The following ZBTB7C variants were observed in gnomAD, a reference collection of about 807,000 sequenced individuals.
ZBTB7C encodes zinc finger and BTB domain containing 7C, also known as zinc finger and BTB domain-containing protein 7C.
Under a neutral mutation model 25.7 loss-of-function variants are expected in ZBTB7C, and 8 were observed. The observed-to-expected ratio is 0.31, with a 90% CI of 0.18 to 0.56. The LOEUF (loss-of-function observed/expected upper bound fraction) is 0.56. ZBTB7C is among the 20% of genes least tolerant of loss of function. The probability of loss-of-function intolerance (pLI) is 0.91; values close to 1 mark genes in which losing one functional copy is unlikely to be tolerated. For missense variants in ZBTB7C, 824 were observed against 855.2 expected, an observed-to-expected ratio of 0.96 and a Z score of 0.46; for synonymous variants, 394 against 369.0, an observed-to-expected ratio of 1.07 and a Z score of -0.78.
At chr18:48,141,959 A>G (rs1053668830) in intron 3 of ZBTB7C, among the ~76,000 whole-genome samples, 10 of 152,258 alleles carry the variant, frequency 6.6e-5, no homozygotes, top group Admixed American at 5.9e-4. Context: ...AATGTATTAA[A>G]TGCCAATTTG....
Position 48,137,360 on chromosome 18 carries a change from G to C in ZBTB7C, c.-17+48574C>G, listed in dbSNP as rs547487094. The C allele has an allele frequency of 5.8e-5, 57 of 982,022 alleles. No homozygotes were observed. The African/African-American group carries it at 9.4e-4, about 16-fold the overall frequency. 60.8% of individuals were successfully genotyped at this position (982,022 alleles called of 1,614,324 possible). On this transcript the variant is annotated intron_variant, in intron 3 of 4. Coordinates refer to ENST00000590800, the MANE Select transcript of ZBTB7C (RefSeq NM_001318841.2). Reference sequence around the variant, plus strand: ...AAATAAAGGCAAGGGCGGTGGAGGAGCTTTTCTTTTCCCCTCTTTTCTTCC... The same window carrying C: ...AAATAAAGGCAAGGGCGGTGGAGGACCTTTTCTTTTCCCCTCTTTTCTTCC...
At chr18:48,122,049 G>C (rs1205933446) in intron 3 of ZBTB7C, among the ~76,000 whole-genome samples, 1 of 152,194 alleles carries the variant, frequency 6.6e-6, no homozygotes, top group East Asian at 1.9e-4. Flanking sequence ...TGGGGAGGAG[G>C]TGCCAGGCTC....
intron 1 of ZBTB7C, among the ~76,000 whole-genome samples, chr18:48,401,271 C>A (rs995961989): frequency 6.6e-6 from 1 of 152,148 alleles, no homozygotes; most frequent in African/African-American, 2.4e-5. Context: ...TCTCATCTCT[C>A]CCTTCATGTT....
chr18:48,326,014 G>A (rs771912928), intron 2 of ZBTB7C, among the ~76,000 whole-genome samples: 1 of 152,048 alleles, frequency 6.6e-6, no homozygotes, highest in Non-Finnish European at 1.5e-5. Flanking sequence ...CGGTTAAAGT[G>A]CTGGGGGACA....
At chr18:48,356,583 T>G (rs2046982449) in intron 1 of ZBTB7C, among the ~76,000 whole-genome samples, 1 of 152,136 alleles carries the variant, frequency 6.6e-6, no homozygotes, top group Admixed American at 6.5e-5. Flanking sequence ...CTAAAGCCCC[T>G]GGCATCCCAT....
intron 2 of ZBTB7C, among the ~76,000 whole-genome samples, chr18:48,312,733 G>A (rs1019762001): frequency 1.3e-5 from 2 of 152,224 alleles, no homozygotes; most frequent in Non-Finnish European, 2.9e-5. Context: ...CATGTCACAT[G>A]CTGTGTCCCT....
chr18:48,336,229 C>A (rs1049366923), intron 2 of ZBTB7C, among the ~76,000 whole-genome samples: 1 of 152,170 alleles, frequency 6.6e-6, no homozygotes, highest in Admixed American at 6.5e-5. Flanking sequence ...ATTCTGATAA[C>A]CAGTTTTCAA....
chr18:48,374,296 T>C (rs1049976470), intron 1 of ZBTB7C: 4 of 152,226 alleles, frequency 2.6e-5, no homozygotes, highest in African/African-American at 9.6e-5. Context: ...AAAATCTTTC[T>C]GGAGAAGGCC....
intron 3 of ZBTB7C, among the ~76,000 whole-genome samples, chr18:48,134,090 A>AT (rs35281038): frequency 0.024 from 3,317 of 139,028 alleles, 62 homozygotes; most frequent in East Asian, 0.063. Flanking sequence ...CAAACCCAGG[A>AT]TTTTTTTTTT....
intron 2 of ZBTB7C, among the ~76,000 whole-genome samples, chr18:48,221,891 A>T (rs2042970748): frequency 7.5e-6 from 1 of 134,048 alleles, no homozygotes; most frequent in Admixed American, 7.6e-5. Context: ...TCTCCTCTAT[A>T]CTGTCCTAGT....
intron 3 of ZBTB7C, among the ~76,000 whole-genome samples, chr18:48,168,865 T>G (rs1392218974): frequency 6.6e-6 from 1 of 152,234 alleles, no homozygotes; most frequent in African/African-American, 2.4e-5. Context: ...CTCAGAACAC[T>G]TATCACACCT....
intron 3 of ZBTB7C, among the ~76,000 whole-genome samples, chr18:48,076,725 C>T (rs948527769): frequency 2.6e-5 from 4 of 152,120 alleles, no homozygotes; most frequent in African/African-American, 4.8e-5. Flanking sequence ...TCTTGACCCA[C>T]GGAGACCTTG....
At chr18:48,097,389 T>TTAC (rs2038674728) in intron 3 of ZBTB7C, among the ~76,000 whole-genome samples, 1 of 98,068 alleles carries the variant, frequency 1.0e-5, no homozygotes, top group African/African-American at 3.3e-5. Flanking sequence ...GTTGTTATTA[T>TTAC]TATTATTATT....
At position 48,275,993 on chromosome 18, in the gene ZBTB7C, A is replaced by G. The variant is rs139382725; in HGVS notation, c.-79+62181T>C. ...ATGGGATCCTGGAAATGGACTCAAG[A>G]TACAGAGGGAGGAGGGGAGAAAGGC... On this transcript the variant is annotated intron_variant, in intron 2 of 4. Transcript: ENST00000590800. 4.6e-3 allele frequency among the ~76,000 whole-genome samples: 696 copies of G among 152,304 alleles called. 6 individuals carry two copies. The highest frequency in any genetic ancestry group is 0.016 in the African/African-American group (678 of 41,562).
intron 1 of ZBTB7C, among the ~76,000 whole-genome samples, chr18:48,389,903 C>A (rs762912306): frequency 2.6e-5 from 4 of 152,176 alleles, no homozygotes; most frequent in Non-Finnish European, 5.9e-5. Context: ...GTGGGTTTTT[C>A]TAGACTCCCA....
intron 2 of ZBTB7C, among the ~76,000 whole-genome samples, chr18:48,312,034 G>A (rs1236036079): frequency 6.6e-6 from 1 of 152,174 alleles, no homozygotes; most frequent in Admixed American, 6.5e-5. Context: ...TTCCTCCTCT[G>A]TGAAGCTCGG....
At chr18:48,187,582 G>A (rs1174016300) in intron 2 of ZBTB7C, among the ~76,000 whole-genome samples, 1 of 152,144 alleles carries the variant, frequency 6.6e-6, no homozygotes, top group African/African-American at 2.4e-5. Flanking sequence ...GGGAGGCCAA[G>A]GTGGGCAGAT....
intron 2 of ZBTB7C, among the ~76,000 whole-genome samples, chr18:48,187,570 T>C (rs1406890763): frequency 6.6e-6 from 1 of 152,014 alleles, no homozygotes; most frequent in East Asian, 1.9e-4. Flanking sequence ...TCCTAGCACT[T>C]TGGGAGGCCA....
At chr18:48,295,559 TG>T (rs1049411994) in intron 2 of ZBTB7C, among the ~76,000 whole-genome samples, 4 of 151,908 alleles carry the variant, frequency 2.6e-5, no homozygotes, top group African/African-American at 9.7e-5. Context: ...AGGCTAAGAT[TG>T]TTTTTAGCTG....
Sources: allele counts gnomAD v4.1 joint callset (sites outside exome capture counted in the v4.1 genomes callset), GRCh38; gene constraint gnomAD v4.1.1; transcripts MANE v1.5; gene names NCBI Gene and HGNC (gene_info 2026-07-23, HGNC 2026-07-21).